Variants in TRIM33 observed in about 807,000 individuals in gnomAD.
TRIM33 encodes tripartite motif containing 33, also known as E3 ubiquitin-protein ligase TRIM33.
Under a neutral mutation model 125.4 loss-of-function variants are expected in TRIM33, and 20 were observed. The observed-to-expected ratio is 0.16, with a 90% CI of 0.11 to 0.23. The LOEUF (loss-of-function observed/expected upper bound fraction) is 0.23. Ranked by LOEUF, TRIM33 falls within the 10% of genes least tolerant of loss-of-function variation. The pLI is 1.00. For missense variants in TRIM33, 920 were observed against 1,411.4 expected, an observed-to-expected ratio of 0.65 and a Z score of 5.58; for synonymous variants, 564 against 513.9, an observed-to-expected ratio of 1.10 and a Z score of -1.32.
intron 2 of TRIM33, among the ~76,000 whole-genome samples, chr1:114,463,963 C>T (rs1043911581): frequency 6.6e-6 from 1 of 151,674 alleles, no homozygotes; most frequent in Admixed American, 6.6e-5. Flanking sequence ...GAGATGGAGT[C>T]TCACTATGTT....
chr1:114,454,190 A>T (rs1397588811), intron 4 of TRIM33, among the ~76,000 whole-genome samples: 1 of 152,178 alleles, frequency 6.6e-6, no homozygotes, highest in African/African-American at 2.4e-5. Flanking sequence ...TGGCTTACTA[A>T]AACAGGTGGT....
At chr1:114,489,387 T>A (rs1392311184) in intron 1 of TRIM33, among the ~76,000 whole-genome samples, 1 of 152,198 alleles carries the variant, frequency 6.6e-6, no homozygotes, top group Non-Finnish European at 1.5e-5. Context: ...GATTACGAAA[T>A]GATTTTTCAG....
At chr1:114,461,298 A>ATTATATTTTATATT (rs71090778) in intron 4 of TRIM33, among the ~76,000 whole-genome samples, 8 of 143,306 alleles carry the variant, frequency 5.6e-5, no homozygotes, top group Non-Finnish European at 1.2e-4. Context: ...ATATTTATAT[A>ATTATATTTTATATT]TTATATTTTA....
chr1:114,496,776 C>T (rs1652392063), intron 1 of TRIM33, among the ~76,000 whole-genome samples: 1 of 152,140 alleles, frequency 6.6e-6, no homozygotes, highest in Admixed American at 6.5e-5. Flanking sequence ...CAAAAACTTC[C>T]CATGTTTGAA....
At chr1:114,504,242 G>A (rs932026467) in intron 1 of TRIM33, among the ~76,000 whole-genome samples, 4 of 151,728 alleles carry the variant, frequency 2.6e-5, no homozygotes, top group African/African-American at 9.7e-5. Context: ...ATGGCTCACT[G>A]CAGCCTCGAC....
chr1:114,460,474 T>C (rs1047408320), intron 4 of TRIM33: 6 of 150,620 alleles, frequency 4.0e-5, no homozygotes, highest in Admixed American at 2.0e-4. Flanking sequence ...TATCAGACCA[T>C]CCAAGAAATG....
intron 1 of TRIM33, among the ~76,000 whole-genome samples, chr1:114,481,455 G>C (rs2101486366): frequency 6.6e-6 from 1 of 151,660 alleles, no homozygotes; most frequent in East Asian, 2.0e-4. Flanking sequence ...GTTGGGTGCG[G>C]TGGCACACGC....
At position 114,397,153 on chromosome 1, in the gene TRIM33, A is replaced by G. The variant is rs1370265594; in HGVS notation, c.*495T>C. On this transcript the variant is annotated 3_prime_UTR_variant, in exon 20 of 20. Transcript: ENST00000358465. ...TTCAATGCAAATCTGCACTGACATTAAAGTAGAATCTGAGCTACTTGGGTT... is the reference window on the plus strand; with the variant it reads ...TTCAATGCAAATCTGCACTGACATTGAAGTAGAATCTGAGCTACTTGGGTT... The G allele has an allele frequency of 4.3e-6, 1 of 229,910 alleles. No homozygotes were observed. The highest frequency in any genetic ancestry group is 6.4e-5 in the East Asian group (1 of 15,616). 14.2% of individuals were successfully genotyped at this position (229,910 alleles called of 1,614,324 possible). A position where few individuals can be genotyped will look rare whatever the true frequency, so the allele number is the denominator to read the frequency against.
chr1:114,510,702 G>T lies in TRIM33; in HGVS notation c.375C>A (p.Cys125Ter). Residue 125 changes from cysteine to a stop codon, truncating the protein, a stop_gained, in exon 1 of 20, where the codon TGC becomes TGA. Transcript: ENST00000358465. LOFTEE classifies it high-confidence loss of function. ...PGPPASLLDTCAVCQQSLQSR... is the reference protein window; with the variant it reads ...PGPPASLLDT ...TCTGCAAGCTCTGCTGACACACGGC[G>T]CAGGTGTCCAGGAGCGAGGCTGGCG... 1 of 1,542,606 alleles carries T rather than the reference G, an allele frequency of 6.5e-7. No homozygotes were observed. Among genetic ancestry groups the T allele is most frequent in the South Asian group, 1.2e-5 (1 of 84,232 alleles).
In TRIM33 at chr1:114,405,584, C is replaced by T. The variant is rs369776856; in HGVS notation, c.2594G>A (p.Arg865Gln). The change falls in exon 15 of 20, where the codon CGA (arginine) becomes CAA (glutamine). Residue 865 changes from arginine (R) to glutamine (Q), a missense_variant. Physicochemically the swap from Arg to Gln is conservative, Grantham distance 43 (BLOSUM62 1). Coordinates refer to ENST00000358465, the MANE Select transcript of TRIM33 (RefSeq NM_015906.4). ...CCTTGCCGACCTGTGCATGAGGCTT[C>T]GAATTGGGGACTTTCCATTAACAAG... ...SSLVNGKSPI[R>Q]SLMHRSARIG... is the part of the protein sequence containing the mutation. The T allele has an allele frequency of 3.7e-6, 6 of 1,614,058 alleles. No homozygotes were observed. The highest frequency in any genetic ancestry group is 5.1e-6 in the Non-Finnish European group (6 of 1,180,042).
At chr1:114,407,346 ACACACACACACG>A (rs935091627) in intron 13 of TRIM33, among the ~76,000 whole-genome samples, 1 of 151,914 alleles carries the variant, frequency 6.6e-6, no homozygotes, top group African/African-American at 2.4e-5. Flanking sequence ...CACTTTCTTC[ACACACACACACG>A]CACACACACA....
chr1:114,452,684 C>T (rs914937918), intron 4 of TRIM33, among the ~76,000 whole-genome samples: 4 of 146,966 alleles, frequency 2.7e-5, no homozygotes, highest in African/African-American at 1.0e-4. Context: ...CTGCTTGAGG[C>T]CAGGAGTTCA....
intron 11 of TRIM33, among the ~76,000 whole-genome samples, chr1:114,413,769 A>T (rs2101119874): frequency 6.6e-6 from 1 of 152,066 alleles, no homozygotes; most frequent in African/African-American, 2.4e-5. Context: ...TGTAATCACA[A>T]CACTTTCGGA....
At chr1:114,402,447 A>C (rs1414822328) in intron 16 of TRIM33, among the ~76,000 whole-genome samples, 1 of 152,150 alleles carries the variant, frequency 6.6e-6, no homozygotes, top group Non-Finnish European at 1.5e-5. Flanking sequence ...GGTATCATTC[A>C]ATTAAGGGGA....
At chr1:114,457,368 T>C (rs1649686977) in intron 4 of TRIM33, among the ~76,000 whole-genome samples, 2 of 152,204 alleles carry the variant, frequency 1.3e-5, no homozygotes, top group South Asian at 4.1e-4. Context: ...GACCAGAAGA[T>C]GTCCAGATGC....
chr1:114,464,555 T>C (rs1650174803), intron 1 of TRIM33, among the ~76,000 whole-genome samples, 167 bp from the exon 2 acceptor site: 1 of 152,158 alleles, frequency 6.6e-6, no homozygotes, highest in Non-Finnish European at 1.5e-5. Context: ...AAAGTGATAC[T>C]CTATTTAGGA....
intron 4 of TRIM33, among the ~76,000 whole-genome samples, chr1:114,435,877 C>CTTTTTTTTTTTTTTTT (rs34327766): frequency 5.5e-5 from 4 of 73,324 alleles, no homozygotes; most frequent in African/African-American, 2.6e-4. Context: ...TAGACACCCG[C>CTTTTTTTTTTTTTTTT]TTTTTTTTTT....
Position 114,396,818 on chromosome 1 carries a change from A to C in TRIM33, c.*830T>G, listed in dbSNP as rs1305123297. Reference sequence around the variant, plus strand: ...CCTTCTCAAATTTAAATGTACAGAAAACTAGATTAATTTTGAAACAAACAT... The same window carrying C: ...CCTTCTCAAATTTAAATGTACAGAACACTAGATTAATTTTGAAACAAACAT... On this transcript the variant is annotated 3_prime_UTR_variant, in exon 20 of 20. Transcript: ENST00000358465. 4.8e-6 allele frequency: 1 copy of C among 209,618 alleles called. No individual in the cohort carries two copies. The allele number at this position is 209,618 out of a possible 1,614,324, so 13.0% of individuals were successfully genotyped here. A position where few individuals can be genotyped will look rare whatever the true frequency, so the allele number is the denominator to read the frequency against.
Position 114,425,195 on chromosome 1 carries a change from G to T in TRIM33, c.1695+254C>A, listed in dbSNP as rs1278112836. On this transcript the variant is annotated intron_variant, in intron 9 of 19. Coordinates refer to ENST00000358465, the MANE Select transcript of TRIM33 (RefSeq NM_015906.4). ...ACGTGGAAAACAAAAAAGATTTGATGTGAAAGGATGAGAACTTACATCCTT... is the reference window on the plus strand; with the variant it reads ...ACGTGGAAAACAAAAAAGATTTGATTTGAAAGGATGAGAACTTACATCCTT... 3.9e-5 allele frequency among the ~76,000 whole-genome samples: 6 copies of T among 152,164 alleles called. No individual in the cohort carries two copies. The East Asian group carries it at 9.6e-4, about 24-fold the overall frequency.
Sources: gnomAD v4.1 joint callset for allele counts (sites outside exome capture counted in the v4.1 genomes callset) on GRCh38, gnomAD v4.1.1 for gene constraint, MANE v1.5 for transcripts, NCBI Gene and HGNC (gene_info 2026-07-23, HGNC 2026-07-21) for gene names.